The following ELF2 variants were observed in gnomAD, a reference collection of about 807,000 sequenced individuals.
ELF2 encodes E74 like ETS transcription factor 2.
Under a neutral mutation model 54.8 loss-of-function variants are expected in ELF2, and 11 were observed. The ratio of observed to expected loss-of-function variants is 0.20; its 90% CI spans 0.13 to 0.33. ELF2 has a LOEUF of 0.33. ELF2 is among the 10% of genes least tolerant of loss of function. ELF2 has a pLI of 1.00. For synonymous variants in ELF2, 203 were observed against 245.1 expected (o/e 0.83, Z 1.61); for missense variants, 513 against 703.0 (o/e 0.73, Z 3.06).
intron 4 of ELF2, among the ~76,000 whole-genome samples, chr4:139,101,039 A>C (rs1200032539): frequency 1.3e-5 from 2 of 152,234 alleles, no homozygotes; most frequent in African/African-American, 4.8e-5. Context: ...GGGAGAAGGT[A>C]GGAAAAGGTA....
intron 1 of ELF2, among the ~76,000 whole-genome samples, chr4:139,166,672 T>C (rs1023957787): frequency 2.0e-5 from 3 of 152,028 alleles, no homozygotes; most frequent in African/African-American, 7.2e-5. Flanking sequence ...ATCGAGACCA[T>C]CCTGGCTAAC....
At chr4:139,119,449 G>A (rs1388828873) in intron 4 of ELF2, among the ~76,000 whole-genome samples, 2 of 152,322 alleles carry the variant, frequency 1.3e-5, no homozygotes, top group East Asian at 3.9e-4. Context: ...GCGTACCTTA[G>A]CAGGATATTA....
intron 1 of ELF2, among the ~76,000 whole-genome samples, chr4:139,172,204 T>A (rs953458510): frequency 1.3e-5 from 2 of 152,214 alleles, no homozygotes; most frequent in Non-Finnish European, 2.9e-5. Context: ...CAACTGGAAA[T>A]AATCGAAACA....
intron 1 of ELF2, among the ~76,000 whole-genome samples, chr4:139,172,090 A>C (rs1419114462): frequency 6.6e-6 from 1 of 152,248 alleles, no homozygotes; most frequent in Non-Finnish European, 1.5e-5. Flanking sequence ...AGCTAAACGT[A>C]TGATGCTGTA....
At chr4:139,170,675 T>C (rs1049435871) in intron 1 of ELF2, among the ~76,000 whole-genome samples, 1 of 149,916 alleles carries the variant, frequency 6.7e-6, no homozygotes, top group Non-Finnish European at 1.5e-5. Flanking sequence ...AAAAAACTTC[T>C]TATAACTCAA....
In ELF2 at chr4:139,160,931, C is replaced by T. The variant is rs372210165; in HGVS notation, c.-252+16036G>A. Among the ~76,000 whole-genome samples, 17 of 152,018 alleles carry T rather than the reference C, an allele frequency of 1.1e-4. 1 individual carries two copies. The East Asian group carries it at 3.3e-3, about 29-fold the overall frequency. On this transcript the variant is annotated intron_variant, in intron 1 of 9. Coordinates refer to ENST00000686138, the MANE Select transcript of ELF2 (RefSeq NM_001331036.3). The stretch of plus-strand genomic sequence containing the variant: ...TGAGCTGAGACAGTGCCACTGCAGT[C>T]CAGCTTCGGCAACAGAGTGAGACTC...
At chr4:139,098,532 G>A (rs1236072217) in intron 4 of ELF2, among the ~76,000 whole-genome samples, 1 of 149,818 alleles carries the variant, frequency 6.7e-6, no homozygotes, top group Non-Finnish European at 1.5e-5. Flanking sequence ...GCAGTGGCAC[G>A]ATCTCGGCTC....
At chr4:139,108,838 G>A (rs562009324) in intron 4 of ELF2, among the ~76,000 whole-genome samples, 14 of 152,258 alleles carry the variant, frequency 9.2e-5, no homozygotes, top group Admixed American at 3.3e-4. Flanking sequence ...ACTCTCAAAC[G>A]AGGGGAACAG....
intron 4 of ELF2, chr4:139,073,814 A>T (rs574740889): frequency 9.7e-6 from 2 of 206,318 alleles, no homozygotes; most frequent in African/African-American, 4.6e-5. Context: ...ATTATGAAGT[A>T]ACCAATGACA....
chr4:139,108,233 T>G (rs1734614470), intron 4 of ELF2, among the ~76,000 whole-genome samples: 2 of 152,188 alleles, frequency 1.3e-5, no homozygotes, highest in African/African-American at 4.8e-5. Context: ...GGGAATACCT[T>G]ATTATTAGTT....
chr4:139,073,224 A>G (rs1404420158), intron 5 of ELF2, among the ~76,000 whole-genome samples: 1 of 152,206 alleles, frequency 6.6e-6, no homozygotes, highest in African/African-American at 2.4e-5. Flanking sequence ...TATTTAATAA[A>G]TATTTGTCTA....
rs112767623 is a variant in ELF2, at chr4:139,115,134, C to T, written c.238+10030G>A. 1.3e-3 allele frequency: 2,021 copies of T among 1,613,584 alleles called. 26 individuals carry two copies. The African/African-American group carries it at 0.024, about 19-fold the overall frequency. ...CCTCTTCCTGGCAGTCGTAGAGGCG[C>T]GTGAGCTGCTCCAGGATCCACTCCT... On this transcript the variant is annotated intron_variant, in intron 4 of 9. Transcript: ENST00000686138.
intron 3 of ELF2, among the ~76,000 whole-genome samples, chr4:139,132,953 G>T (rs983758624): frequency 2.0e-5 from 3 of 149,990 alleles, no homozygotes; most frequent in Admixed American, 2.0e-4. Flanking sequence ...GTGCAGTGGC[G>T]CAATCTCTGC....
At chr4:139,075,532 C>T (rs533436034) in intron 4 of ELF2, among the ~76,000 whole-genome samples, 3 of 152,244 alleles carry the variant, frequency 2.0e-5, no homozygotes, top group East Asian at 3.9e-4. Context: ...CAGGTTCAAG[C>T]GATTCTTCTG....
chr4:139,169,940 A>G (rs1742113232), intron 1 of ELF2, among the ~76,000 whole-genome samples: 1 of 151,436 alleles, frequency 6.6e-6, no homozygotes, highest in South Asian at 2.1e-4. Flanking sequence ...TATTCCCATT[A>G]TAATGCCCAT....
chr4:139,156,773 A>T lies in ELF2; in HGVS notation c.-251-17276T>A, dbSNP rs545441868. The stretch of plus-strand genomic sequence containing the variant: ...TGCCTCAGCTTCCCAAGTAGCTGGG[A>T]TTACAGGCACATACCATGCCCAGCT... On this transcript the variant is annotated intron_variant, in intron 1 of 9. Coordinates refer to ENST00000686138, the MANE Select transcript of ELF2 (RefSeq NM_001331036.3). Among the ~76,000 whole-genome samples, 10 of 152,056 alleles carry T rather than the reference A, an allele frequency of 6.6e-5. No individual in the cohort carries two copies. The East Asian group carries it at 1.7e-3, about 27-fold the overall frequency.
At chr4:139,098,498 T>A (rs980290767) in intron 4 of ELF2, among the ~76,000 whole-genome samples, 1 of 151,640 alleles carries the variant, frequency 6.6e-6, no homozygotes, top group Non-Finnish European at 1.5e-5. Context: ...AGACAGAGCT[T>A]CACTCTGTCA....
chr4:139,122,963 T>A (rs1258924467), intron 4 of ELF2, among the ~76,000 whole-genome samples: 1 of 151,108 alleles, frequency 6.6e-6, no homozygotes, highest in Admixed American at 6.6e-5. Flanking sequence ...GGCGGGCAGA[T>A]CACGAAGTCA....
intron 1 of ELF2, among the ~76,000 whole-genome samples, chr4:139,148,659 T>C (rs1739525696): frequency 6.6e-6 from 1 of 152,178 alleles, no homozygotes; most frequent in African/African-American, 2.4e-5. Flanking sequence ...TTTCTACTTT[T>C]TTTTTTTTAC....
Sources: gnomAD v4.1 joint callset for allele counts (sites outside exome capture counted in the v4.1 genomes callset) on GRCh38, gnomAD v4.1.1 for gene constraint, MANE v1.5 for transcripts, NCBI Gene and HGNC (gene_info 2026-07-23, HGNC 2026-07-21) for gene names.